The following ACTR3C variants were observed in gnomAD, a reference collection of about 807,000 sequenced individuals.
ACTR3C encodes the protein actin related protein 3C.
A neutral mutation model predicts 26.3 loss-of-function variants in ACTR3C; 18 were observed. That is an observed-to-expected ratio of 0.68 (90% CI 0.47 to 1.01). The LOEUF is 1.01. Among genes scored for constraint, ACTR3C ranks in the 50% least tolerant of loss-of-function variants. The pLI, the probability that ACTR3C is intolerant of heterozygous loss-of-function variation, is 0.00. For missense variants in ACTR3C, 184 were observed against 250.7 expected (o/e 0.73, Z 1.80); for synonymous variants, 55 against 94.5 (o/e 0.58, Z 2.42).
intron 6 of ACTR3C, among the ~76,000 whole-genome samples, chr7:150,263,979 G>C (rs1214188867): frequency 1.3e-5 from 2 of 152,252 alleles, no homozygotes; most frequent in Non-Finnish European, 2.9e-5. Flanking sequence ...GCTCTCAGCG[G>C]GGGCTAAGGC....
chr7:150,288,204 A>G (rs1321064111), intron 4 of ACTR3C, among the ~76,000 whole-genome samples: 2 of 143,076 alleles, frequency 1.4e-5, no homozygotes, highest in Non-Finnish European at 3.0e-5. Flanking sequence ...GGGGGGAGAC[A>G]CATAGTCACA....
chr7:150,278,580 G>A (rs1584907970), intron 6 of ACTR3C, among the ~76,000 whole-genome samples: 1 of 152,200 alleles, frequency 6.6e-6, no homozygotes, highest in Non-Finnish European at 1.5e-5. Context: ...GACATTACTC[G>A]ATGTTGCCAC....
the ACTR3C span, among the ~76,000 whole-genome samples, chr7:150,079,721 G>A: frequency 6.6e-6 from 1 of 152,184 alleles, no homozygotes; most frequent in African/African-American, 2.4e-5. Context: ...AGTGGGGGCA[G>A]TGATTTTTCA....
At chr7:149,998,740 A>G in the ACTR3C span, among the ~76,000 whole-genome samples, 1 of 150,508 alleles carries the variant, frequency 6.6e-6, no homozygotes, top group Non-Finnish European at 1.5e-5. Flanking sequence ...GGGACACAGC[A>G]GAACCATATC....
chr7:150,284,421 C>A (rs1278139242), intron 6 of ACTR3C, among the ~76,000 whole-genome samples: 1 of 152,140 alleles, frequency 6.6e-6, no homozygotes, highest in Non-Finnish European at 1.5e-5. Context: ...CGGCGTGCAC[C>A]TGTAGTCCCA....
At chr7:150,127,315 G>A in the ACTR3C span, among the ~76,000 whole-genome samples, 6 of 145,944 alleles carry the variant, frequency 4.1e-5, no homozygotes, top group African/African-American at 1.2e-4. Flanking sequence ...TACCATAATA[G>A]GAAAAAGAAA....
chr7:150,003,493 T>C, the ACTR3C span, among the ~76,000 whole-genome samples: 16 of 152,246 alleles, frequency 1.1e-4, no homozygotes, highest in African/African-American at 3.9e-4. Flanking sequence ...ATGTGGTATG[T>C]AGGATGTGTG....
the ACTR3C span, among the ~76,000 whole-genome samples, chr7:149,960,625 T>A: frequency 6.6e-6 from 1 of 152,186 alleles, no homozygotes; most frequent in South Asian, 2.1e-4. Context: ...CATCTACCAA[T>A]GACAGTCTTG....
the ACTR3C span, among the ~76,000 whole-genome samples, chr7:150,029,457 C>T: frequency 1.3e-5 from 2 of 149,576 alleles, no homozygotes; most frequent in African/African-American, 2.5e-5. Flanking sequence ...GTGGCATGCA[C>T]TTGACAGGCT....
the ACTR3C span, among the ~76,000 whole-genome samples, chr7:149,979,577 G>A: frequency 6.6e-6 from 1 of 152,178 alleles, no homozygotes; most frequent in Non-Finnish European, 1.5e-5. Flanking sequence ...AGAGTGTCTT[G>A]TACCTTGATC....
the ACTR3C span, among the ~76,000 whole-genome samples, chr7:150,042,797 C>T: frequency 6.6e-6 from 1 of 151,550 alleles, no homozygotes; most frequent in East Asian, 2.0e-4. Flanking sequence ...AGGCTACCGG[C>T]CTCAGCCAGG....
At chr7:150,245,727 T>C (rs1832428454), downstream of ACTR3C, 1 of 152,234 alleles carries the variant, frequency 6.6e-6, no homozygotes, top group African/African-American at 2.4e-5. Context: ...TGTTCTACCT[T>C]AGCCGGTGTG....
chr7:150,072,568 G>A, the ACTR3C span, among the ~76,000 whole-genome samples: 1 of 144,508 alleles, frequency 6.9e-6, no homozygotes, highest in African/African-American at 2.5e-5. Context: ...CAGGACGCCT[G>A]GGCACCTGGG....
At chr7:150,083,148 G>T in the ACTR3C span, among the ~76,000 whole-genome samples, 1 of 150,764 alleles carries the variant, frequency 6.6e-6, no homozygotes, top group Non-Finnish European at 1.5e-5. Context: ...AGACAGGCCC[G>T]TACTATGTTG....
the ACTR3C span, among the ~76,000 whole-genome samples, chr7:150,067,948 C>T: frequency 1.3e-5 from 2 of 152,080 alleles, no homozygotes; most frequent in African/African-American, 4.8e-5. Context: ...CTAGAACAAT[C>T]TGGTGATGCC....
At chr7:150,070,810 T>C in the ACTR3C span, among the ~76,000 whole-genome samples, 152 of 150,650 alleles carry the variant, frequency 1.0e-3, 3 homozygotes, top group Non-Finnish European at 2.2e-4. Flanking sequence ...TTTTTTTTTT[T>C]TTGAGATGGA....
intron 1 of ACTR3C, 27 bp from the exon 2 acceptor site, chr7:150,295,374 G>C: frequency 6.2e-7 from 1 of 1,605,040 alleles, no homozygotes; most frequent in Non-Finnish European, 8.5e-7. Flanking sequence ...ACTATATTTA[G>C]TGTTTACCCA....
chr7:150,210,788 G>C, the ACTR3C span, among the ~76,000 whole-genome samples: 1 of 148,674 alleles, frequency 6.7e-6, no homozygotes, highest in Admixed American at 6.6e-5. Flanking sequence ...TTCTGGGAAT[G>C]GCACATATGC....
chr7:150,154,157 G>C, the ACTR3C span, among the ~76,000 whole-genome samples: 1 of 150,734 alleles, frequency 6.6e-6, no homozygotes, highest in Non-Finnish European at 1.5e-5. Flanking sequence ...ACACCAGCAT[G>C]GCACATGTAT....
Sources: allele counts gnomAD v4.1 joint callset (sites outside exome capture counted in the v4.1 genomes callset), GRCh38; gene constraint gnomAD v4.1.1; transcripts MANE v1.5; gene names NCBI Gene and HGNC (gene_info 2026-07-23, HGNC 2026-07-21).